The following OPHN1 variants were observed in gnomAD, a reference collection of about 807,000 sequenced individuals.
OPHN1 encodes oligophrenin 1.
Under a neutral mutation model 60.7 loss-of-function variants are expected in OPHN1, and 11 were observed. That is an observed-to-expected ratio of 0.18 (90% CI 0.11 to 0.30). The LOEUF (loss-of-function observed/expected upper bound fraction) is 0.30, where lower values mean the gene tolerates loss of function less well. Ranked by LOEUF, OPHN1 falls within the 10% of genes least tolerant of loss-of-function variation. OPHN1 has a pLI of 1.00. For missense variants in OPHN1, 449 were observed against 611.0 expected, an observed-to-expected ratio of 0.73 and a Z score of 2.80; for synonymous variants, 226 against 222.6, an observed-to-expected ratio of 1.02 and a Z score of -0.14.
intron 11 of OPHN1, among the ~76,000 whole-genome samples, chrX:68,200,853 T>A (rs2077532534): frequency 8.9e-6 from 1 of 111,936 alleles, no homozygotes; most frequent in Admixed American, 9.6e-5. Flanking sequence ...GTATCTAACA[T>A]CTAGAAATAA....
At chrX:68,062,443 C>G (rs765162949) in intron 21 of OPHN1, among the ~76,000 whole-genome samples, 2 of 112,128 alleles carry the variant, frequency 1.8e-5, no homozygotes, top group Non-Finnish European at 3.8e-5. Context: ...ATATTATTTC[C>G]TTTTTAATTC....
intron 2 of OPHN1, chrX:68,336,536 C>A (rs2078323321): frequency 9.1e-6 from 1 of 110,062 alleles, no homozygotes; most frequent in Admixed American, 9.9e-5. Context: ...GCCTGGGCAA[C>A]AGGGCAAGAC....
rs2076861026 is a variant in OPHN1 at position 68,053,680 on chromosome X, A to G, written c.2289T>C (p.Ile763=). ...TGATTTCCCCCGCATTGCCAGCCACAATATCTGGCTTTGGTTCTGGCTTTT... is the reference window on the plus strand; with the variant it reads ...TGATTTCCCCCGCATTGCCAGCCACGATATCTGGCTTTGGTTCTGGCTTTT... ...TPQKPEPKPD[I]VAGNAGEITS... is the part of the protein sequence containing the mutation. Residue 763 remains isoleucine (I), a synonymous_variant, in exon 22 of 25, where the codon ATT becomes ATC. Transcript: ENST00000355520. The G allele has an allele frequency of 1.7e-6, 2 of 1,211,536 alleles. No individual in the cohort carries two copies. Among genetic ancestry groups the G allele is most frequent in the Non-Finnish European group, 2.2e-6 (2 of 895,459 alleles).
At chrX:68,346,618 A>G (rs1321224049) in intron 2 of OPHN1, among the ~76,000 whole-genome samples, 1 of 112,163 alleles carries the variant, frequency 8.9e-6, no homozygotes, top group African/African-American at 3.2e-5. Context: ...AAGAAAATCC[A>G]TGAAATGAAC....
chrX:68,113,970 T>C (rs1331944533), intron 16 of OPHN1, among the ~76,000 whole-genome samples: 1 of 38,033 alleles, frequency 2.6e-5, no homozygotes, highest in South Asian at 1.6e-3. Context: ...ATAATAATAA[T>C]AAAAAAAAAA....
intron 5 of OPHN1, among the ~76,000 whole-genome samples, chrX:68,258,670 A>G (rs901754202): frequency 9.1e-6 from 1 of 110,038 alleles, no homozygotes; most frequent in Non-Finnish European, 1.9e-5. Flanking sequence ...TTACCTTGTA[A>G]GAGGGTAATA....
intron 2 of OPHN1, among the ~76,000 whole-genome samples, chrX:68,417,306 T>C (rs1308100807): frequency 1.8e-5 from 2 of 111,498 alleles, no homozygotes; most frequent in African/African-American, 6.5e-5. Context: ...TAGCCCAGGC[T>C]TGTCTGGAAC....
At chrX:68,235,794 G>A (rs764214030) in intron 5 of OPHN1, among the ~76,000 whole-genome samples, 105 of 110,797 alleles carry the variant, frequency 9.5e-4, no homozygotes, top group African/African-American at 3.3e-3. Context: ...GGAGGTGGAG[G>A]TTACAGTGAG....
Position 68,212,200 on chromosome X carries a change from G to A in OPHN1, c.610C>T (p.Leu204Phe). The change falls in exon 8 of 25, where the codon CTT becomes TTT. Residue 204 changes from leucine (L) to phenylalanine (F), a missense_variant. Physicochemically the swap from Leu to Phe is conservative, Grantham distance 22. Around this residue, in one of 4 missense-constraint regions of OPHN1, gnomAD observed 99 missense variants for 155.2 expected, o/e 0.64. Coordinates refer to ENST00000355520, the MANE Select transcript of OPHN1 (RefSeq NM_002547.3). The part of the protein sequence containing the change: ...FNIVEPVLAF[L>F]HSLFISNSLT... ...CTGTTAGAAATGAACAGACTATGAA[G>A]AAAGGCCAAGACCTAGGGAAAACAT... The A allele has an allele frequency of 1.7e-6, 2 of 1,179,222 alleles. No individual in the cohort carries two copies. Among genetic ancestry groups the A allele is most frequent in the Non-Finnish European group, 2.3e-6 (2 of 867,422 alleles).
At chrX:68,214,620 G>A (rs1433036210) in intron 6 of OPHN1, among the ~76,000 whole-genome samples, 2 of 111,706 alleles carry the variant, frequency 1.8e-5, no homozygotes, top group African/African-American at 6.5e-5. Flanking sequence ...GAACTACAAG[G>A]CATATTAAAA....
chrX:68,226,472 G>A (rs1390652853), intron 6 of OPHN1, among the ~76,000 whole-genome samples: 1 of 111,321 alleles, frequency 9.0e-6, no homozygotes, highest in Admixed American at 9.6e-5. Flanking sequence ...GTTAAGGGCA[G>A]CCAGAGAGAA....
intron 15 of OPHN1, among the ~76,000 whole-genome samples, chrX:68,155,631 G>T (rs1360500948): frequency 8.9e-6 from 1 of 111,960 alleles, no homozygotes; most frequent in Non-Finnish European, 1.9e-5. Flanking sequence ...TACCTCTTCA[G>T]AAATTTTGAT....
intron 12 of OPHN1, among the ~76,000 whole-genome samples, chrX:68,195,697 GTC>G (rs1423985869): frequency 8.9e-6 from 1 of 112,111 alleles, no homozygotes; most frequent in African/African-American, 3.2e-5. Flanking sequence ...TCTGTTAAGA[GTC>G]TGTTTGAACA....
intron 15 of OPHN1, among the ~76,000 whole-genome samples, chrX:68,130,387 T>A (rs923530558): frequency 3.6e-5 from 4 of 111,690 alleles, no homozygotes; most frequent in African/African-American, 1.3e-4. Context: ...TTAATAATAT[T>A]TATAACCTTG....
At chrX:68,092,162 G>C (rs745627795) in intron 19 of OPHN1, among the ~76,000 whole-genome samples, 1 of 111,189 alleles carries the variant, frequency 9.0e-6, no homozygotes, top group South Asian at 3.8e-4. Context: ...TTCTATTAAA[G>C]AGCAAGTGTA....
chrX:68,413,452 T>C (rs1360416767), intron 2 of OPHN1, among the ~76,000 whole-genome samples: 1 of 111,725 alleles, frequency 9.0e-6, no homozygotes, highest in Admixed American at 9.6e-5. Flanking sequence ...TTACTGTTAC[T>C]GTGATTTTCT....
intron 2 of OPHN1, among the ~76,000 whole-genome samples, chrX:68,379,866 G>A (rs915993982): frequency 1.4e-3 from 150 of 108,874 alleles, no homozygotes; most frequent in African/African-American, 4.8e-3. Context: ...AGTGTTCATC[G>A]AGGATATTGG....
intron 15 of OPHN1, among the ~76,000 whole-genome samples, chrX:68,170,891 A>C (rs1002220065): frequency 1.2e-4 from 13 of 108,551 alleles, no homozygotes; most frequent in African/African-American, 4.0e-4. Flanking sequence ...ATGTAACTAA[A>C]CTGCACATTG....
At chrX:68,343,868 C>A (rs1052980201) in intron 2 of OPHN1, among the ~76,000 whole-genome samples, 1 of 111,491 alleles carries the variant, frequency 9.0e-6, no homozygotes, top group African/African-American at 3.3e-5. Context: ...ATAAAAAGAA[C>A]CCTCCCTTGA....
Sources: allele counts gnomAD v4.1 joint callset (sites outside exome capture counted in the v4.1 genomes callset), GRCh38; gene constraint gnomAD v4.1.1; regional missense constraint gnomAD v4.1.1; transcripts MANE v1.5; gene names NCBI Gene and HGNC (gene_info 2026-07-23, HGNC 2026-07-21).